MYO1H: variants seen among roughly 807,000 people sequenced by gnomAD.
MYO1H encodes the protein unconventional myosin-Ih.
In MYO1H, 118 loss-of-function variants were observed where a neutral mutation model predicts 149.3. The observed-to-expected ratio is 0.79, with a 90% CI of 0.68 to 0.92. The LOEUF (loss-of-function observed/expected upper bound fraction) is 0.92. Among genes scored for constraint, MYO1H ranks in the 40% least tolerant of loss-of-function variants. The pLI, the probability that MYO1H is intolerant of heterozygous loss-of-function variation, is 0.00. For synonymous variants in MYO1H, 447 were observed against 465.2 expected (o/e 0.96, Z 0.50); for missense variants, 1,212 against 1,280.7 (o/e 0.95, Z 0.82).
At chr12:109,332,856 T>C in the MYO1H span, among the ~76,000 whole-genome samples, 1 of 152,198 alleles carries the variant, frequency 6.6e-6, no homozygotes, top group Non-Finnish European at 1.5e-5. Context: ...GTGCTAGGAT[T>C]ACAGGCGTGA....
chr12:109,415,501 A>G (rs4766598), intron 14 of MYO1H, 25 bp from the exon 15 acceptor site: 392,123 of 1,569,042 alleles, frequency 0.25, 50,501 homozygotes, highest in East Asian at 0.34. Context: ...AGAAAGTTCA[A>G]CTCGTGTCTA....
chr12:109,399,572 A>G (rs1438177639), intron 5 of MYO1H, among the ~76,000 whole-genome samples: 1 of 141,352 alleles, frequency 7.1e-6, no homozygotes, highest in Non-Finnish European at 1.5e-5. Context: ...AGCCTGAGCA[A>G]GAGAGTGAGA....
chr12:109,440,863 GGTGGGT>G, intron 25 of MYO1H, 36 bp downstream of exon 25: 1 of 1,460,952 alleles, frequency 6.8e-7, no homozygotes, highest in South Asian at 1.2e-5. Flanking sequence ...CGGTGGTGGG[GGTGGGT>G]GTAAGAGTGG....
chr12:109,415,457 C>A, intron 14 of MYO1H, 69 bp from the exon 15 acceptor site: 1 of 1,439,546 alleles, frequency 6.9e-7, no homozygotes, highest in Non-Finnish European at 9.5e-7. Context: ...GCTTGGGCAA[C>A]AGAGCAAGAC....
rs949675543 is a variant in MYO1H, at chr12:109,437,205, C to T, written c.2209+649C>T. ...CCTCCCCAGTCATGTTCTCAAACAACACTCCCACCCACACGCATACATTTC... is the reference window on the plus strand; with the variant it reads ...CCTCCCCAGTCATGTTCTCAAACAATACTCCCACCCACACGCATACATTTC... On this transcript the variant is annotated intron_variant, in intron 22 of 31. Coordinates refer to ENST00000310903, the Ensembl canonical transcript of MYO1H. Among the ~76,000 whole-genome samples, 5 of 152,178 alleles carry T rather than the reference C, an allele frequency of 3.3e-5. No individual in the cohort carries two copies. The East Asian group carries it at 5.8e-4, about 18-fold the overall frequency.
rs545920803 is a variant in MYO1H, at chr12:109,379,974, G to A, written c.13-8709G>A. 3.4e-4 allele frequency among the ~76,000 whole-genome samples: 52 copies of A among 151,898 alleles called. 1 individual carries two copies. Among genetic ancestry groups the A allele is most frequent in the Admixed American group, 2.1e-3 (32 of 15,258 alleles). ...TGTCGATGTCTTAACCTCGTGATCC[G>A]CCCACCTCAGCCTCCCAAAGTGCTG... On this transcript the variant is annotated intron_variant, in intron 1 of 31. Transcript: ENST00000310903.
the MYO1H span, among the ~76,000 whole-genome samples, chr12:109,319,709 G>A: frequency 6.6e-6 from 1 of 152,104 alleles, no homozygotes; most frequent in Non-Finnish European, 1.5e-5. Flanking sequence ...ATTTGGGGCT[G>A]GATGATTTTT....
intron 1 of MYO1H, among the ~76,000 whole-genome samples, chr12:109,348,466 T>C (rs1868386924): frequency 6.6e-6 from 1 of 152,224 alleles, no homozygotes; most frequent in South Asian, 2.1e-4. Context: ...AAGGAAATTG[T>C]AGGTAATAAT....
At chr12:109,312,769 GTTTGTT>G in the MYO1H span, among the ~76,000 whole-genome samples, 1 of 140,006 alleles carries the variant, frequency 7.1e-6, no homozygotes, top group East Asian at 2.1e-4. Context: ...GGTTTTTTTT[GTTTGTT>G]TTTTGTTTTG....
At chr12:109,369,056 C>T (rs571187523) in intron 1 of MYO1H, among the ~76,000 whole-genome samples, 2 of 150,974 alleles carry the variant, frequency 1.3e-5, no homozygotes, top group South Asian at 2.1e-4. Context: ...GGTGTGATCT[C>T]GGCTCACTGC....
chr12:109,440,037 C>CTTT (rs36004400), intron 24 of MYO1H, among the ~76,000 whole-genome samples: 5 of 143,160 alleles, frequency 3.5e-5, no homozygotes, highest in African/African-American at 7.7e-5. Flanking sequence ...AAACAGAGCA[C>CTTT]TTTTTTTTTT....
At chr12:109,422,114 A>G (rs866480580) in intron 16 of MYO1H, among the ~76,000 whole-genome samples, 1 of 152,222 alleles carries the variant, frequency 6.6e-6, no homozygotes, top group African/African-American at 2.4e-5. Context: ...CCACTGCGCC[A>G]TGCCTAAAAC....
chr12:109,322,037 A>G, the MYO1H span, among the ~76,000 whole-genome samples: 2 of 152,122 alleles, frequency 1.3e-5, no homozygotes, highest in African/African-American at 2.4e-5. Context: ...ATTGACCTAA[A>G]TATCTATCCT....
At chr12:109,417,878 C>T (rs1592806504) in intron 15 of MYO1H, among the ~76,000 whole-genome samples, 1 of 151,108 alleles carries the variant, frequency 6.6e-6, no homozygotes, top group Non-Finnish European at 1.5e-5. Flanking sequence ...TCCGGTGGCG[C>T]GATCTCGGCT....
At chr12:109,422,792 T>G (rs9668180) in intron 16 of MYO1H, among the ~76,000 whole-genome samples, 77,342 of 151,938 alleles carry the variant, frequency 0.51, 20,531 homozygotes, top group African/African-American at 0.64. Flanking sequence ...AAAAATGGGG[T>G]GCCAGGCACA....
chr12:109,352,698 A>T (rs998104731), intron 1 of MYO1H, among the ~76,000 whole-genome samples: 4 of 152,128 alleles, frequency 2.6e-5, no homozygotes, highest in African/African-American at 9.7e-5. Context: ...ACTTATGCTT[A>T]TTTTTCATCT....
intron 2 of MYO1H, among the ~76,000 whole-genome samples, chr12:109,390,603 G>A (rs185174513): frequency 1.9e-4 from 29 of 151,842 alleles, no homozygotes; most frequent in Admixed American, 4.6e-4. Context: ...TGCCAGTAGC[G>A]GGAGTGTTTT....
the MYO1H span, among the ~76,000 whole-genome samples, chr12:109,320,290 G>A: frequency 2.0e-5 from 3 of 151,894 alleles, no homozygotes; most frequent in Non-Finnish European, 4.4e-5. Flanking sequence ...CTCCAGACTG[G>A]GTGACAGAGC....
At chr12:109,342,541 CTTTTT>C in the MYO1H span, among the ~76,000 whole-genome samples, 3 of 100,532 alleles carry the variant, frequency 3.0e-5, no homozygotes, top group Admixed American at 1.2e-4. Flanking sequence ...CTTCAGGAGA[CTTTTT>C]TTTTTTTTTT....
Sources: gnomAD v4.1 joint callset for allele counts (sites outside exome capture counted in the v4.1 genomes callset) on GRCh38, gnomAD v4.1.1 for gene constraint, MANE v1.5 for transcripts, NCBI Gene and HGNC (gene_info 2026-07-23, HGNC 2026-07-21) for gene names.